The following MTBP variants were observed in gnomAD, a reference collection of about 807,000 sequenced individuals.
MTBP encodes mdm2-binding protein.
In MTBP, 101 loss-of-function variants were observed where a neutral mutation model predicts 117.0. The observed-to-expected ratio is 0.86, with a 90% CI of 0.73 to 1.02. The LOEUF (loss-of-function observed/expected upper bound fraction) is 1.02, where lower values mean the gene tolerates loss of function less well. Among genes scored for constraint, MTBP ranks in the 50% least tolerant of loss-of-function variants. MTBP has a pLI of 0.00. For synonymous variants in MTBP, 350 were observed against 351.5 expected, an observed-to-expected ratio of 1.00 and a Z score of 0.05; for missense variants, 970 against 1,030.9, an observed-to-expected ratio of 0.94 and a Z score of 0.81.
intron 11 of MTBP, among the ~76,000 whole-genome samples, chr8:120,483,908 A>C (rs1440642694): frequency 6.6e-6 from 1 of 152,034 alleles, no homozygotes. Context: ...TGGAATAACT[A>C]CGCTAATTGT....
chr8:120,511,339 C>T (rs1285491950), intron 17 of MTBP, among the ~76,000 whole-genome samples: 1 of 152,168 alleles, frequency 6.6e-6, no homozygotes, highest in East Asian at 1.9e-4. Context: ...CTTTTTCACC[C>T]AGGCTGAGTG....
chr8:120,491,155 A>G (rs1037842196), intron 13 of MTBP, among the ~76,000 whole-genome samples: 2 of 152,074 alleles, frequency 1.3e-5, no homozygotes, highest in Admixed American at 6.5e-5. Flanking sequence ...TTAAGCATTC[A>G]TTTGTTGCCT....
chr8:120,515,597 G>GTATGATTTTTA (rs1407404505), intron 17 of MTBP, among the ~76,000 whole-genome samples: 1 of 152,012 alleles, frequency 6.6e-6, no homozygotes, highest in East Asian at 1.9e-4. Flanking sequence ...TGAGAAATCA[G>GTATGATTTTTA]GGGTTGGTAG....
Position 120,523,361 on chromosome 8 carries a change from A to G in MTBP, c.*25A>G, listed in dbSNP as rs747748209. 3 of 1,433,362 alleles carry G rather than the reference A, an allele frequency of 2.1e-6. No individual in the cohort carries two copies. Among genetic ancestry groups the G allele is most frequent in the Admixed American group, 2.1e-5 (1 of 48,496 alleles). 88.8% of individuals were successfully genotyped at this position (1,433,362 alleles called of 1,614,324 possible). A position where few individuals can be genotyped will look rare whatever the true frequency, so the allele number is the denominator to read the frequency against. The stretch of plus-strand genomic sequence containing the variant: ...ATACATAATCATTCTCTTTAAGACA[A>G]TTATAAATTGGATGGAGCTATTATT... On this transcript the variant is annotated 3_prime_UTR_variant, in exon 22 of 22. Coordinates refer to ENST00000305949, the MANE Select transcript of MTBP (RefSeq NM_022045.5).
rs752161350 is a variant in MTBP at position 120,518,126 on chromosome 8, T to C, written c.2496+26T>C. The stretch of plus-strand genomic sequence containing the variant: ...GTAAAGATTTATTTCCCATTTTTCT[T>C]AGTTCTACATAGGAAGACTTTTTAA... On this transcript the variant is annotated intron_variant, in intron 19 of 21. Transcript: ENST00000305949. 4 of 1,580,482 alleles carry C rather than the reference T, an allele frequency of 2.5e-6. No homozygotes were observed. In the African/African-American group the frequency reaches 5.5e-5, roughly 22 times the overall value.
chr8:120,504,449 G>T (rs1814652812), intron 15 of MTBP, among the ~76,000 whole-genome samples: 1 of 151,786 alleles, frequency 6.6e-6, no homozygotes, highest in Admixed American at 6.6e-5. Context: ...TGTTATCCTG[G>T]TATTTCTTTT....
chr8:120,483,455 C>T (rs976581216), intron 11 of MTBP, among the ~76,000 whole-genome samples: 2 of 151,944 alleles, frequency 1.3e-5, no homozygotes, highest in African/African-American at 4.8e-5. Flanking sequence ...CCTGTTTCCC[C>T]CGTAGTCCTG....
At chr8:120,469,541 A>C (rs984895093) in intron 10 of MTBP, among the ~76,000 whole-genome samples, 2 of 152,158 alleles carry the variant, frequency 1.3e-5, no homozygotes, top group Non-Finnish European at 2.9e-5. Context: ...AAACTTTTTG[A>C]ACCACCATTG....
intron 12 of MTBP, among the ~76,000 whole-genome samples, chr8:120,489,721 T>G (rs1814303221): frequency 2.0e-5 from 3 of 152,196 alleles, no homozygotes; most frequent in Admixed American, 6.5e-5. Context: ...GCCTAGGATC[T>G]GTTGTGAGCC....
chr8:120,477,532 C>T (rs890804390), intron 11 of MTBP, among the ~76,000 whole-genome samples: 4 of 152,114 alleles, frequency 2.6e-5, no homozygotes, highest in Non-Finnish European at 5.9e-5. Context: ...CCAGAATCTA[C>T]AAGGAACTTA....
chr8:120,496,622 A>G (rs1403765386), intron 13 of MTBP, among the ~76,000 whole-genome samples: 1 of 151,640 alleles, frequency 6.6e-6, no homozygotes, highest in Admixed American at 6.6e-5. Flanking sequence ...TTGGAGTCCA[A>G]CCTTTCAATG....
At chr8:120,476,198 C>T (rs547595640) in intron 11 of MTBP, among the ~76,000 whole-genome samples, 1 of 151,926 alleles carries the variant, frequency 6.6e-6, no homozygotes, top group African/African-American at 2.4e-5. Context: ...CTTCGATAAA[C>T]TTAAACACCC....
intron 4 of MTBP, chr8:120,452,013 A>G (rs549279158): frequency 1.3e-5 from 2 of 152,332 alleles, no homozygotes; most frequent in South Asian, 4.1e-4. Context: ...GTGTATTTGC[A>G]GCATTTCAGG....
Position 120,497,530 on chromosome 8 carries a change from A to G in MTBP, c.1585A>G (p.Ile529Val). Residue 529 changes from isoleucine to valine, a missense_variant, in exon 14 of 22, where the codon ATT becomes GTT. Coordinates refer to ENST00000305949, the MANE Select transcript of MTBP (RefSeq NM_022045.5). ...AATGATTCTAAGAAAGATGGACAAA[A>G]TTAAAACCTTCAATATATTAAATGG... The part of the protein sequence containing the change: ...PKMILRKMDK[I>V]KTFNILNDFS... The G allele has an allele frequency of 6.5e-7, 1 of 1,541,494 alleles. No individual in the cohort carries two copies. The highest frequency in any genetic ancestry group is 1.4e-5 in the African/African-American group (1 of 72,810).
intron 11 of MTBP, among the ~76,000 whole-genome samples, chr8:120,486,184 CT>C (rs1814209338): frequency 6.6e-6 from 1 of 152,082 alleles, no homozygotes; most frequent in Non-Finnish European, 1.5e-5. Context: ...GCTTGTTTCT[CT>C]TAATTAAGTG....
chr8:120,522,783 T>G, intron 21 of MTBP, 64 bp downstream of exon 21: 1 of 1,271,746 alleles, frequency 7.9e-7, no homozygotes, highest in Non-Finnish European at 1.1e-6. Flanking sequence ...AGGGTTGCTC[T>G]GATGCCATTA....
intron 5 of MTBP, among the ~76,000 whole-genome samples, chr8:120,454,234 C>G (rs1179003705): frequency 6.6e-6 from 1 of 152,014 alleles, no homozygotes; most frequent in Non-Finnish European, 1.5e-5. Context: ...GAAGACTAAT[C>G]CTATAAACAG....
At position 120,445,573 on chromosome 8, in the gene MTBP, A is replaced by G; in HGVS notation, c.103A>G (p.Thr35Ala). Reference sequence around the variant, plus strand: ...GCCAGAGGTGTCGTCGGGTGAGGGTACTGAGAATCAGCCGGGTAAGCGCTG... The same window carrying G: ...GCCAGAGGTGTCGTCGGGTGAGGGTGCTGAGAATCAGCCGGGTAAGCGCTG... Reference protein sequence around the residue: ...HGPEVSSGEGTENQPDFTAAN... With the variant: ...HGPEVSSGEGAENQPDFTAAN... The change falls in exon 1 of 22, where the codon ACT (threonine) becomes GCT (alanine). Residue 35 changes from threonine to alanine, a missense_variant. Transcript: ENST00000305949. The G allele has an allele frequency of 6.2e-7, 1 of 1,608,260 alleles. No homozygotes were observed. Among genetic ancestry groups the G allele is most frequent in the Non-Finnish European group, 8.5e-7 (1 of 1,177,858 alleles).
At chr8:120,475,431 T>C (rs1048868149) in intron 11 of MTBP, among the ~76,000 whole-genome samples, 1 of 152,036 alleles carries the variant, frequency 6.6e-6, no homozygotes, top group Non-Finnish European at 1.5e-5. Flanking sequence ...ACTCCATCCA[T>C]GTAGTGTGAA....
Sources: allele counts gnomAD v4.1 joint callset (sites outside exome capture counted in the v4.1 genomes callset), GRCh38; gene constraint gnomAD v4.1.1; transcripts MANE v1.5; gene names NCBI Gene and HGNC (gene_info 2026-07-23, HGNC 2026-07-21).